Variants in FAM184A observed in about 807,000 individuals in gnomAD.
FAM184A encodes protein FAM184A.
A neutral mutation model predicts 143.8 loss-of-function variants in FAM184A; 99 were observed. The ratio of observed to expected loss-of-function variants is 0.69; its 90% CI spans 0.58 to 0.81. FAM184A has a LOEUF of 0.81. Ranked by LOEUF, FAM184A falls within the 40% of genes least tolerant of loss-of-function variation. The pLI, the probability that FAM184A is intolerant of heterozygous loss-of-function variation, is 0.00. For synonymous variants in FAM184A, 427 were observed against 446.4 expected, an observed-to-expected ratio of 0.96 and a Z score of 0.55; for missense variants, 1,217 against 1,310.5, an observed-to-expected ratio of 0.93 and a Z score of 1.10.
chr6:119,049,169 C>T (rs1434224821), intron 1 of FAM184A, among the ~76,000 whole-genome samples: 1 of 152,182 alleles, frequency 6.6e-6, no homozygotes, highest in Admixed American at 6.5e-5. Context: ...ACACATACGC[C>T]AGGCGCGGTG....
chr6:119,141,382 G>A (rs1021142645), intron 1 of FAM184A, among the ~76,000 whole-genome samples: 10 of 152,252 alleles, frequency 6.6e-5, no homozygotes, highest in African/African-American at 2.2e-4. Flanking sequence ...CGAGTGCAGC[G>A]TTGGCACCAA....
rs182316556 is a variant in FAM184A at position 118,995,825 on chromosome 6, T to C, written c.2088+7074A>G. ...TCACATGAAAGAGAAACAGATTAAG[T>C]TGATTTGTTACTATAATGCTGTCTA... On this transcript the variant is annotated intron_variant, in intron 9 of 17. Transcript: ENST00000338891. Among the ~76,000 whole-genome samples the C allele has an allele frequency of 2.0e-4, 30 of 152,332 alleles. 1 individual carries two copies. The East Asian group carries it at 5.6e-3, about 28-fold the overall frequency.
chr6:119,005,158 A>G (rs879502717), intron 7 of FAM184A: 2 of 152,206 alleles, frequency 1.3e-5, no homozygotes, highest in Non-Finnish European at 2.9e-5. Flanking sequence ...TATAGTCAAT[A>G]TATTTGGCAT....
rs1783944555 is a variant in FAM184A at position 118,979,240 on chromosome 6, T to C, written c.2455+125A>G. On this transcript the variant is annotated intron_variant, in intron 11 of 17. Coordinates refer to ENST00000338891, the MANE Select transcript of FAM184A (RefSeq NM_024581.6). The stretch of plus-strand genomic sequence containing the variant: ...TGGTAACTTCAAATAAAATATGCAG[T>C]ACACTTAGATATTCATTTTGACGTT... 4.6e-6 allele frequency: 4 copies of C among 863,906 alleles called. No individual in the cohort carries two copies. In the South Asian group the frequency reaches 5.6e-5, roughly 12 times the overall value. 53.5% of individuals were successfully genotyped at this position (863,906 alleles called of 1,614,324 possible).
At chr6:119,112,063 T>C (rs1788947208) in intron 1 of FAM184A, among the ~76,000 whole-genome samples, 1 of 152,198 alleles carries the variant, frequency 6.6e-6, no homozygotes, top group Admixed American at 6.5e-5. Context: ...GGGGACCTCC[T>C]ATGTCCATGA....
intron 1 of FAM184A, among the ~76,000 whole-genome samples, chr6:119,135,257 CAT>C (rs79217050): frequency 0.04 from 6,081 of 151,900 alleles, 158 homozygotes; most frequent in Non-Finnish European, 0.06. Context: ...TTTAGCGAGC[CAT>C]ATATATGACA....
intron 1 of FAM184A, among the ~76,000 whole-genome samples, chr6:119,118,533 C>T (rs549457950): frequency 2.5e-3 from 379 of 152,296 alleles, no homozygotes; most frequent in Non-Finnish European, 4.4e-3. Flanking sequence ...ATTTCATTGA[C>T]ATTTATTAGA....
chr6:119,109,930 TA>T (rs934336641), intron 1 of FAM184A, among the ~76,000 whole-genome samples: 2 of 152,178 alleles, frequency 1.3e-5, no homozygotes, highest in African/African-American at 4.8e-5. Flanking sequence ...TTTTCTCAAT[TA>T]AAAAAGAAGC....
chr6:119,144,359 A>AT (rs1772352056), intron 1 of FAM184A, among the ~76,000 whole-genome samples: 1 of 149,844 alleles, frequency 6.7e-6, no homozygotes, highest in African/African-American at 2.4e-5. Context: ...AAAAGAAAAT[A>AT]TTTTTTCTGC....
chr6:119,032,983 A>G (rs1442422131), intron 1 of FAM184A, among the ~76,000 whole-genome samples: 1 of 152,232 alleles, frequency 6.6e-6, no homozygotes, highest in African/African-American at 2.4e-5. Flanking sequence ...TATCGGTTCC[A>G]GAGCAGGAAC....
chr6:119,141,880 G>T (rs1325312702), intron 1 of FAM184A, among the ~76,000 whole-genome samples: 1 of 152,286 alleles, frequency 6.6e-6, no homozygotes, highest in Non-Finnish European at 1.5e-5. Flanking sequence ...CAATAGAGGA[G>T]CTCAGAGAAA....
intron 9 of FAM184A, among the ~76,000 whole-genome samples, chr6:118,987,780 A>C (rs987401994): frequency 1.3e-5 from 2 of 152,226 alleles, no homozygotes; most frequent in African/African-American, 2.4e-5. Flanking sequence ...ATAGTTTTTC[A>C]AAAATATTAC....
Position 118,982,348 on chromosome 6 carries a change from C to T in FAM184A, c.2089-1998G>A, listed in dbSNP as rs529582088. Among the ~76,000 whole-genome samples, 9 of 152,298 alleles carry T rather than the reference C, an allele frequency of 5.9e-5. No individual in the cohort carries two copies. In the South Asian group the frequency reaches 6.2e-4, roughly 11 times the overall value. ...TTTGGAAGTTCAACCCTAGTCCCAG[C>T]CTAAGCATGGGGACCCATGGGACTG... is the stretch of plus-strand genomic sequence containing the variant. On this transcript the variant is annotated intron_variant, in intron 9 of 17. Coordinates refer to ENST00000338891, the MANE Select transcript of FAM184A (RefSeq NM_024581.6).
At chr6:119,134,174 C>T (rs1487377186) in intron 1 of FAM184A, among the ~76,000 whole-genome samples, 1 of 151,948 alleles carries the variant, frequency 6.6e-6, no homozygotes, top group East Asian at 1.9e-4. Context: ...GAATATAAAA[C>T]TTTGAAGAAT....
chr6:119,011,643 T>G (rs914484877), intron 5 of FAM184A, among the ~76,000 whole-genome samples: 1 of 152,206 alleles, frequency 6.6e-6, no homozygotes, highest in East Asian at 1.9e-4. Context: ...ATACTTTTTT[T>G]AAATGGTGAG....
intron 14 of FAM184A, among the ~76,000 whole-genome samples, chr6:118,968,520 C>T (rs756319118): frequency 6.6e-6 from 1 of 152,186 alleles, no homozygotes; most frequent in Admixed American, 6.5e-5. Context: ...GCAGAGTTAA[C>T]TCTTAAAGTA....
chr6:119,040,000 G>T (rs1179053968), intron 1 of FAM184A, among the ~76,000 whole-genome samples: 1 of 152,186 alleles, frequency 6.6e-6, no homozygotes, highest in Admixed American at 6.5e-5. Context: ...CACCCTTAGG[G>T]AAAAATCATG....
intron 3 of FAM184A, 82 bp downstream of exon 3, chr6:119,022,863 C>A (rs1395684110): frequency 1.3e-5 from 20 of 1,534,404 alleles, no homozygotes; most frequent in African/African-American, 4.1e-5. Context: ...GGCGACAGAG[C>A]AAGACTCTGT....
At chr6:119,001,257 G>T (rs794264) in intron 9 of FAM184A, among the ~76,000 whole-genome samples, 85,857 of 150,030 alleles carry the variant, frequency 0.57, 24,914 homozygotes, top group East Asian at 0.76. Context: ...ACAGCTACTT[G>T]CCAGTTTCTC....
Sources: allele counts gnomAD v4.1 joint callset (sites outside exome capture counted in the v4.1 genomes callset), GRCh38; gene constraint gnomAD v4.1.1; transcripts MANE v1.5; gene names NCBI Gene and HGNC (gene_info 2026-07-23, HGNC 2026-07-21).